The following GPC5 variants were observed in gnomAD, a reference collection of about 807,000 sequenced individuals.
GPC5 encodes glypican-5.
GPC5 carries 47 observed loss-of-function variants against 53.9 expected under a neutral mutation model. That is an observed-to-expected ratio of 0.87 (90% CI 0.69 to 1.11). The LOEUF (loss-of-function observed/expected upper bound fraction) is 1.11. Among genes scored for constraint, GPC5 ranks in the 50% most tolerant of loss-of-function variants. The probability of loss-of-function intolerance (pLI) is 0.00; values close to 1 mark genes in which losing one functional copy is unlikely to be tolerated. For missense variants in GPC5, 748 were observed against 713.1 expected (o/e 1.05, Z -0.56); for synonymous variants, 286 against 263.3 (o/e 1.09, Z -0.84).
At chr13:91,509,628 AAG>A (rs1265681577) in intron 2 of GPC5, among the ~76,000 whole-genome samples, 1 of 151,982 alleles carries the variant, frequency 6.6e-6, no homozygotes, top group African/African-American at 2.4e-5. Flanking sequence ...AAATGCTCAA[AAG>A]AGTTTTATAT....
chr13:92,010,038 T>C (rs2040646392), intron 6 of GPC5, among the ~76,000 whole-genome samples: 1 of 152,196 alleles, frequency 6.6e-6, no homozygotes, highest in African/African-American at 2.4e-5. Context: ...AAATGATAAA[T>C]GCATAAACAT....
chr13:92,160,701 T>A (rs1159316246), intron 7 of GPC5, among the ~76,000 whole-genome samples: 1 of 152,180 alleles, frequency 6.6e-6, no homozygotes, highest in Non-Finnish European at 1.5e-5. Flanking sequence ...GAAGACTGAC[T>A]GACTAACTGG....
chr13:91,504,462 A>G (rs894853008), intron 2 of GPC5, among the ~76,000 whole-genome samples: 1 of 152,268 alleles, frequency 6.6e-6, no homozygotes, highest in African/African-American at 2.4e-5. Flanking sequence ...TTAATTTCTA[A>G]TATAAAGCCT....
intron 7 of GPC5, among the ~76,000 whole-genome samples, chr13:92,160,931 G>C (rs929308686): frequency 6.6e-6 from 1 of 152,090 alleles, no homozygotes; most frequent in Admixed American, 6.6e-5. Context: ...ATGGTCAAGC[G>C]TCTCTTCAAC....
chr13:92,206,455 G>C (rs2042338272), intron 7 of GPC5, among the ~76,000 whole-genome samples: 1 of 151,366 alleles, frequency 6.6e-6, no homozygotes, highest in African/African-American at 2.4e-5. Context: ...CCCAAAGTGC[G>C]GTGGCTGGAA....
intron 7 of GPC5, among the ~76,000 whole-genome samples, chr13:92,546,153 G>A (rs1882101529): frequency 6.6e-6 from 1 of 152,124 alleles, no homozygotes; most frequent in Non-Finnish European, 1.5e-5. Context: ...AGTGTTGGAA[G>A]TTCTGGCCAG....
Position 92,144,833 on chromosome 13 carries a change from T to C in GPC5, c.1405T>C (p.Leu469=). The C allele has an allele frequency of 6.2e-7, 1 of 1,610,356 alleles. No homozygotes were observed. The highest frequency in any genetic ancestry group is 8.5e-7 in the Non-Finnish European group (1 of 1,178,214). ...GCCTTTCTTTATGTACAATTAGTTG[T>C]TACAGGGTAGATCACCCAAACCTGA... ...IDKLKHVVQL[L]QGRSPKPDKW... The change falls in exon 7 of 8, where the codon TTA becomes CTA. Residue 469 remains leucine (L), a synonymous_variant. Coordinates refer to ENST00000377067, the MANE Select transcript of GPC5 (RefSeq NM_004466.6).
intron 6 of GPC5, among the ~76,000 whole-genome samples, chr13:91,990,363 T>A (rs2040445928): frequency 6.6e-6 from 1 of 152,140 alleles, no homozygotes; most frequent in East Asian, 1.9e-4. Context: ...TTAATTATAT[T>A]TTCTAAACCT....
intron 7 of GPC5, chr13:92,240,298 T>G (rs977212790): frequency 2.6e-5 from 4 of 152,056 alleles, no homozygotes; most frequent in East Asian, 1.9e-4. Context: ...GCTTTTTTTT[T>G]TGTGGAAAAA....
At chr13:92,412,684 G>A (rs1398629755) in intron 7 of GPC5, among the ~76,000 whole-genome samples, 1 of 152,174 alleles carries the variant, frequency 6.6e-6, no homozygotes, top group East Asian at 1.9e-4. Flanking sequence ...GACAGAGACA[G>A]ACCATATGGT....
At chr13:91,435,510 C>A (rs1437617335) in intron 1 of GPC5, among the ~76,000 whole-genome samples, 1 of 152,144 alleles carries the variant, frequency 6.6e-6, no homozygotes, top group Non-Finnish European at 1.5e-5. Flanking sequence ...GTATGTTGAA[C>A]CAGCCTTGCA....
In GPC5 at chr13:92,271,473, A is replaced by G. The variant is rs1179523547; in HGVS notation, c.1561+126484A>G. Among the ~76,000 whole-genome samples, 4 of 152,224 alleles carry G rather than the reference A, an allele frequency of 2.6e-5. No homozygotes were observed. In the East Asian group the frequency reaches 7.7e-4, roughly 29 times the overall value. ...CTTTTACAACTTATTATATATTTCC[A>G]GGTATAAAGTTAGCTGCTAAAGCCA... On this transcript the variant is annotated intron_variant, in intron 7 of 7. Coordinates refer to ENST00000377067, the MANE Select transcript of GPC5 (RefSeq NM_004466.6).
intron 7 of GPC5, among the ~76,000 whole-genome samples, chr13:92,286,689 A>G (rs1455960026): frequency 1.4e-5 from 2 of 146,784 alleles, no homozygotes; most frequent in Non-Finnish European, 3.0e-5. Context: ...GAACAATGAG[A>G]ACACTTGGAC....
At chr13:92,000,090 A>C (rs2040540944) in intron 6 of GPC5, among the ~76,000 whole-genome samples, 1 of 152,206 alleles carries the variant, frequency 6.6e-6, no homozygotes, top group Admixed American at 6.5e-5. Flanking sequence ...ATGAATAAAA[A>C]TTGTAAAGGT....
chr13:92,368,682 A>G (rs534763464), intron 7 of GPC5, among the ~76,000 whole-genome samples: 3 of 151,564 alleles, frequency 2.0e-5, no homozygotes, highest in Non-Finnish European at 2.9e-5. Context: ...AAATGTGGAA[A>G]TGCTATTTTA....
chr13:92,402,665 G>T (rs1222098970), intron 7 of GPC5, among the ~76,000 whole-genome samples: 1 of 152,162 alleles, frequency 6.6e-6, no homozygotes, highest in Non-Finnish European at 1.5e-5. Context: ...GTGTGTGTTT[G>T]CTTGTCTTTG....
At chr13:92,578,949 A>C (rs528034604) in intron 7 of GPC5, among the ~76,000 whole-genome samples, 1 of 152,268 alleles carries the variant, frequency 6.6e-6, no homozygotes, top group African/African-American at 2.4e-5. Context: ...ATAAGTGATA[A>C]CCCCAGAGAA....
At chr13:92,789,522 G>T (rs1313631684) in intron 7 of GPC5, among the ~76,000 whole-genome samples, 1 of 152,044 alleles carries the variant, frequency 6.6e-6, no homozygotes, top group Non-Finnish European at 1.5e-5. Flanking sequence ...GTGTGAAACT[G>T]TCAAACACCA....
intron 7 of GPC5, among the ~76,000 whole-genome samples, chr13:92,474,943 AG>A (rs1167156249): frequency 6.6e-6 from 1 of 152,148 alleles, no homozygotes; most frequent in Admixed American, 6.6e-5. Flanking sequence ...TTCTGTCCTT[AG>A]ATCAAGTCTT....
Sources: allele counts gnomAD v4.1 joint callset (sites outside exome capture counted in the v4.1 genomes callset), GRCh38; gene constraint gnomAD v4.1.1; transcripts MANE v1.5; gene names NCBI Gene and HGNC (gene_info 2026-07-23, HGNC 2026-07-21).